INSL6: variants seen among roughly 807,000 people sequenced by gnomAD.
INSL6 encodes the protein insulin like 6.
A neutral mutation model predicts 9.4 loss-of-function variants in INSL6; 16 were observed. The ratio of observed to expected loss-of-function variants is 1.70; its 90% CI spans 1.15 to 2.59. The LOEUF is 2.59. Ranked by LOEUF, INSL6 falls within the 30% of genes most tolerant of loss-of-function variation. The pLI is 0.00. For synonymous variants in INSL6, 154 were observed against 96.9 expected (o/e 1.59, Z -3.46); for missense variants, 391 against 257.3 (o/e 1.52, Z -3.56).
the INSL6 span, among the ~76,000 whole-genome samples, chr9:5,063,493 A>G: frequency 1.3e-5 from 2 of 152,098 alleles, no homozygotes. Flanking sequence ...CTATGTTTTC[A>G]TCTCTCTTAT....
chr9:5,025,970 T>C, the INSL6 span, among the ~76,000 whole-genome samples: 1 of 152,252 alleles, frequency 6.6e-6, no homozygotes, highest in Non-Finnish European at 1.5e-5. Flanking sequence ...TCATAACTTA[T>C]AATTATGCTT....
chr9:5,148,086 G>A (rs1483971178), intron 2 of INSL6, among the ~76,000 whole-genome samples: 1 of 152,186 alleles, frequency 6.6e-6, no homozygotes, highest in Admixed American at 6.5e-5. Flanking sequence ...GAGCTAACAG[G>A]CTCCTTTGGA....
the INSL6 span, chr9:5,114,202 G>C: frequency 2.1e-6 from 1 of 482,112 alleles, no homozygotes. Context: ...ACCTACCTGA[G>C]CCGGTCCAGC....
chr9:5,042,531 C>T, the INSL6 span, among the ~76,000 whole-genome samples: 2 of 152,176 alleles, frequency 1.3e-5, no homozygotes, highest in Non-Finnish European at 2.9e-5. Context: ...AAGAAAGGCC[C>T]CCTCCACCCC....
chr9:5,103,082 T>TA, the INSL6 span, among the ~76,000 whole-genome samples: 2 of 151,190 alleles, frequency 1.3e-5, no homozygotes, highest in Non-Finnish European at 2.9e-5. Context: ...ATGCCCCAAT[T>TA]AAAAAACACA....
At chr9:5,137,112 AAG>A (rs1406714585) in intron 2 of INSL6, among the ~76,000 whole-genome samples, 1 of 152,202 alleles carries the variant, frequency 6.6e-6, no homozygotes, top group Non-Finnish European at 1.5e-5. Flanking sequence ...TCAAGGAAAT[AAG>A]AGAGGACACA....
At chr9:5,111,874 A>G in the INSL6 span, 4 of 375,588 alleles carry the variant, frequency 1.1e-5, no homozygotes, top group Admixed American at 1.0e-4. Context: ...CCGAGGGACC[A>G]CAGCCAGCAG....
the INSL6 span, among the ~76,000 whole-genome samples, chr9:5,034,207 T>G: frequency 6.6e-6 from 1 of 152,140 alleles, no homozygotes; most frequent in Middle Eastern, 3.2e-3. Flanking sequence ...TAAATATATA[T>G]GCACCCAATA....
At chr9:5,112,689 AT>A in the INSL6 span, 4 of 917,408 alleles carry the variant, frequency 4.4e-6, no homozygotes, top group Non-Finnish European at 6.2e-6. Flanking sequence ...GTCATCCTGA[AT>A]TTGGAGCAGC....
chr9:5,043,024 G>C, the INSL6 span, among the ~76,000 whole-genome samples: 4 of 151,958 alleles, frequency 2.6e-5, no homozygotes, highest in East Asian at 7.9e-4. Context: ...CTCGGCCCCT[G>C]GGCCCTGCTG....
the INSL6 span, among the ~76,000 whole-genome samples, chr9:5,061,396 A>T: frequency 6.6e-6 from 1 of 152,202 alleles, no homozygotes; most frequent in African/African-American, 2.4e-5. Context: ...ATCTTCATCA[A>T]TGGTCCTTAC....
chr9:5,023,948 ATTTTAGCTTGTAAGAT>A, the INSL6 span, among the ~76,000 whole-genome samples: 1 of 152,038 alleles, frequency 6.6e-6, no homozygotes, highest in Admixed American at 6.6e-5. Flanking sequence ...AGCTAGTAAG[ATTTTAGCTTGTAAGAT>A]TTTTAGCTTG....
At chr9:5,043,207 T>C in the INSL6 span, among the ~76,000 whole-genome samples, 1 of 152,126 alleles carries the variant, frequency 6.6e-6, no homozygotes. Context: ...CTTGAGGCAG[T>C]GCCCAGGGCG....
chr9:5,157,071 A>T (rs777911968), intron 2 of INSL6, among the ~76,000 whole-genome samples: 1 of 152,174 alleles, frequency 6.6e-6, no homozygotes, highest in Admixed American at 6.5e-5. Flanking sequence ...CATATGTATT[A>T]TAACTGTACA....
chr9:5,089,083 A>T, the INSL6 span, among the ~76,000 whole-genome samples: 3 of 152,354 alleles, frequency 2.0e-5, no homozygotes, highest in African/African-American at 7.2e-5. Flanking sequence ...CCCTTGGCTT[A>T]TCTTGACAAT....
chr9:5,113,560 G>C, the INSL6 span: 1 of 156,468 alleles, frequency 6.4e-6, no homozygotes, highest in African/African-American at 2.4e-5. Flanking sequence ...CCTCCACACA[G>C]GGCCCATCCA....
chr9:5,133,811 G>C (rs568363583), intron 2 of INSL6, among the ~76,000 whole-genome samples: 1 of 151,876 alleles, frequency 6.6e-6, no homozygotes, highest in Non-Finnish European at 1.5e-5. Flanking sequence ...ACAACTCCTC[G>C]CTAGCAAGGG....
the INSL6 span, among the ~76,000 whole-genome samples, chr9:5,035,687 A>G: frequency 6.6e-6 from 1 of 152,226 alleles, no homozygotes; most frequent in African/African-American, 2.4e-5. Flanking sequence ...ACAACCCTTC[A>G]TGCTAAAAAC....
At chr9:5,160,349 C>G (rs954651375), downstream of INSL6, among the ~76,000 whole-genome samples, 3 of 152,022 alleles carry the variant, frequency 2.0e-5, no homozygotes, top group African/African-American at 4.8e-5. Flanking sequence ...CCTGAATGAC[C>G]AGTGGTCAAC....
Sources: allele counts gnomAD v4.1 joint callset (sites outside exome capture counted in the v4.1 genomes callset), GRCh38; gene constraint gnomAD v4.1.1; transcripts MANE v1.5; gene names NCBI Gene and HGNC (gene_info 2026-07-23, HGNC 2026-07-21).